The following ADGRG2 variants were observed in gnomAD, a reference collection of about 807,000 sequenced individuals.
ADGRG2 encodes adhesion G protein-coupled receptor G2.
In ADGRG2, 26 loss-of-function variants were observed where a neutral mutation model predicts 74.1. The observed-to-expected ratio is 0.35, with a 90% confidence interval of 0.26 to 0.49. The LOEUF (loss-of-function observed/expected upper bound fraction) is 0.49, where lower values mean the gene tolerates loss of function less well. Ranked by LOEUF, ADGRG2 falls within the 20% of genes least tolerant of loss-of-function variation. The probability of loss-of-function intolerance (pLI) is 0.99; values close to 1 mark genes in which losing one functional copy is unlikely to be tolerated. For missense variants in ADGRG2, 619 were observed against 763.1 expected (o/e 0.81, Z 2.22); for synonymous variants, 296 against 295.2 (o/e 1.00, Z -0.03).
intron 4 of ADGRG2, 57 bp downstream of exon 4, chrX:19,040,132 G>C (rs1392997184): frequency 1.3e-6 from 1 of 790,528 alleles, no homozygotes; most frequent in African/African-American, 2.0e-5. Flanking sequence ...GTTTCATAGA[G>C]AACTTACAGA....
In ADGRG2 at chrX:19,027,414, T is replaced by C. The variant is rs182647730; in HGVS notation, c.415-140A>G. The C allele has an allele frequency of 7.1e-3, 3,309 of 463,663 alleles. 9 individuals are homozygous for C. Among genetic ancestry groups the C allele is most frequent in the Non-Finnish European group, 0.01 (2,748 of 267,372 alleles). The allele number at this position is 463,663 out of a possible 1,213,427, so 38.2% of individuals were successfully genotyped here. On this transcript the variant is annotated intron_variant, in intron 10 of 28. Coordinates refer to ENST00000379869, the MANE Select transcript of ADGRG2 (RefSeq NM_001079858.3). ...ACTGAATCCTAACTGTAAGGAACATTGTCTATCTAAATGATCAAGCTGCAG... is the reference window on the plus strand; with the variant it reads ...ACTGAATCCTAACTGTAAGGAACATCGTCTATCTAAATGATCAAGCTGCAG...
chrX:19,077,334 TAAAAAAAAAAAAAAAA>T (rs34976230), intron 2 of ADGRG2, among the ~76,000 whole-genome samples: 2 of 38,613 alleles, frequency 5.2e-5, no homozygotes, highest in South Asian at 1.8e-3. Context: ...CTGTCTCTAC[TAAAAAAAAAAAAAAAA>T]AAAAAAAAAA....
intron 24 of ADGRG2, 29 bp from the exon 25 acceptor site, chrX:18,999,989 TA>T: frequency 1.3e-6 from 1 of 748,322 alleles, no homozygotes; most frequent in Non-Finnish European, 2.0e-6. Flanking sequence ...TGGTCACACC[TA>T]ATTTTTTTTT....
intron 3 of ADGRG2, among the ~76,000 whole-genome samples, chrX:19,043,027 G>A (rs2061102910): frequency 9.1e-6 from 1 of 109,944 alleles, no homozygotes; most frequent in Non-Finnish European, 1.9e-5. Flanking sequence ...GACCAGCCCA[G>A]GGCTGGTCTC....
chrX:19,027,272 A>T lies in ADGRG2; in HGVS notation c.417T>A (p.Asn139Lys). The T allele has an allele frequency of 9.2e-7, 1 of 1,091,832 alleles. No homozygotes were observed. Among genetic ancestry groups the T allele is most frequent in the Non-Finnish European group, 1.3e-6 (1 of 786,112 alleles). The allele number at this position is 1,091,832 out of a possible 1,213,427, so 90.0% of individuals were successfully genotyped here. ...QYDKESTVPQ[N>K]QHITNGTLTG... ...TTAAGGTGCCATTCGTTATATGTTG[A>T]TTCTGTTAGAAGCATAAAATCATTA... The change falls in exon 11 of 29, where the codon AAT (asparagine) becomes AAA (lysine). Residue 139 changes from asparagine to lysine, a missense_variant and splice_region_variant. Around this residue, in one of 3 missense-constraint regions of ADGRG2, gnomAD observed 292 missense variants for 318.0 expected, o/e 0.92. Coordinates refer to ENST00000379869, the MANE Select transcript of ADGRG2 (RefSeq NM_001079858.3).
Position 19,019,584 on chromosome X carries a change from A to C in ADGRG2, c.710+15T>G. On this transcript the variant is annotated intron_variant, in intron 15 of 28. Transcript: ENST00000379869. ...TTTTTTTTTAAGGAGAAGGGTCAGC[A>C]TGTTTGTTACATACCACTGAAGCTT... 3.2e-6 allele frequency: 3 copies of C among 929,115 alleles called. No individual in the cohort carries two copies. The highest frequency in any genetic ancestry group is 4.6e-6 in the Non-Finnish European group (3 of 650,209). 76.6% of individuals were successfully genotyped at this position (929,115 alleles called of 1,213,427 possible).
In ADGRG2 at chrX:19,068,766, T is replaced by C. The variant is rs1273306284; in HGVS notation, c.69A>G (p.Ile23Met). 20 of 1,157,515 alleles carry C rather than the reference T, an allele frequency of 1.7e-5. No homozygotes were observed. The highest frequency in any genetic ancestry group is 2.3e-5 in the Non-Finnish European group (20 of 851,904). Residue 23 changes from isoleucine (I) to methionine (M), a missense_variant, in exon 3 of 29, where the codon ATA (isoleucine) becomes ATG (methionine). Coordinates refer to ENST00000379869, the MANE Select transcript of ADGRG2 (RefSeq NM_001079858.3). Reference protein sequence around the residue: ...RTEEVLLTFKIFLVIICLHVV... With the variant: ...RTEEVLLTFKMFLVIICLHVV... ...CATGAAGACAAATGATGACAAGGAATATCTTGAACGTCAGTAAAACTTCTT... is the reference window on the plus strand; with the variant it reads ...CATGAAGACAAATGATGACAAGGAACATCTTGAACGTCAGTAAAACTTCTT...
intron 1 of ADGRG2, among the ~76,000 whole-genome samples, chrX:19,084,512 C>T (rs2061907339): frequency 8.9e-6 from 1 of 111,867 alleles, no homozygotes; most frequent in Admixed American, 9.5e-5. Context: ...TCCTGTCCTA[C>T]GATGAACAAT....
chrX:19,122,558 C>G (rs1236147504), upstream of ADGRG2: 2 of 110,016 alleles, frequency 1.8e-5, no homozygotes, highest in Non-Finnish European at 3.8e-5. Flanking sequence ...CCGCCGCTCC[C>G]GGCCCGCTCC....
At chrX:19,070,593 G>C (rs1389299181) in intron 2 of ADGRG2, among the ~76,000 whole-genome samples, 1 of 111,990 alleles carries the variant, frequency 8.9e-6, no homozygotes, top group Non-Finnish European at 1.9e-5. Flanking sequence ...GCAAGGGGGT[G>C]GCGAGAGCCA....
chrX:19,032,037 C>T (rs1044607264), intron 8 of ADGRG2: 1 of 112,365 alleles, frequency 8.9e-6, no homozygotes, highest in Admixed American at 9.4e-5. Context: ...CAATGCCCAA[C>T]TGCAAGTTTA....
chrX:19,025,150 T>G lies in ADGRG2; in HGVS notation c.471-1202A>C, dbSNP rs935256411. 6.3e-5 allele frequency among the ~76,000 whole-genome samples: 7 copies of G among 111,808 alleles called. No homozygotes were observed. In the South Asian group the frequency reaches 2.6e-3, roughly 42 times the overall value. Reference sequence around the variant, plus strand: ...GTTTAATTGCTCCTGCTGCTCTACATTCAGAGACTTAGAACATCCATCCTT... The same window carrying G: ...GTTTAATTGCTCCTGCTGCTCTACAGTCAGAGACTTAGAACATCCATCCTT... On this transcript the variant is annotated intron_variant, in intron 11 of 28. Coordinates refer to ENST00000379869, the MANE Select transcript of ADGRG2 (RefSeq NM_001079858.3).
At chrX:19,071,326 T>C (rs1028888020) in intron 2 of ADGRG2, among the ~76,000 whole-genome samples, 7 of 112,089 alleles carry the variant, frequency 6.2e-5, no homozygotes, top group African/African-American at 9.7e-5. Flanking sequence ...TTCTCCCTCC[T>C]CTTTTAACCT....
At chrX:19,113,988 C>G (rs1331598719) in intron 1 of ADGRG2, among the ~76,000 whole-genome samples, 1 of 106,790 alleles carries the variant, frequency 9.4e-6, no homozygotes, top group African/African-American at 3.4e-5. Context: ...AGGAGAATCA[C>G]CTGAACCCGG....
chrX:19,107,074 A>AATCCCCAGG (rs1480964725), intron 1 of ADGRG2, among the ~76,000 whole-genome samples: 2 of 111,112 alleles, frequency 1.8e-5, no homozygotes, highest in African/African-American at 6.5e-5. Flanking sequence ...TGCTCCATAT[A>AATCCCCAGG]ATCCCCAGGA....
intron 3 of ADGRG2, among the ~76,000 whole-genome samples, chrX:19,064,368 A>G (rs976696825): frequency 1.8e-5 from 2 of 112,715 alleles, no homozygotes; most frequent in Non-Finnish European, 3.8e-5. Flanking sequence ...CATGCGTCAT[A>G]GTCACGGCCC....
At chrX:19,110,224 A>C (rs557507762) in intron 1 of ADGRG2, among the ~76,000 whole-genome samples, 1 of 111,889 alleles carries the variant, frequency 8.9e-6, no homozygotes. Flanking sequence ...GAAGAGAACA[A>C]TAAATGTACA....
intron 1 of ADGRG2, among the ~76,000 whole-genome samples, chrX:19,102,234 G>C (rs933764080): frequency 4.6e-5 from 5 of 109,667 alleles, no homozygotes; most frequent in African/African-American, 1.0e-4. Context: ...TCTTTAAAAG[G>C]CAATGTCTTT....
intron 28 of ADGRG2, among the ~76,000 whole-genome samples, chrX:18,993,688 A>G (rs1329010053): frequency 1.2e-5 from 1 of 86,140 alleles, no homozygotes; most frequent in African/African-American, 5.3e-5. Context: ...AAAAAAAAAG[A>G]AAAAAAAAAA....
Sources: allele counts gnomAD v4.1 joint callset (sites outside exome capture counted in the v4.1 genomes callset), GRCh38; gene constraint gnomAD v4.1.1; regional missense constraint gnomAD v4.1.1; transcripts MANE v1.5; gene names NCBI Gene and HGNC (gene_info 2026-07-23, HGNC 2026-07-21).